Variants in ETV1 observed in about 807,000 individuals in gnomAD.
The protein encoded by ETV1 is ETS translocation variant 1.
ETV1 carries 27 observed loss-of-function variants against 62.3 expected under a neutral mutation model. The ratio of observed to expected loss-of-function variants is 0.43; its 90% confidence interval spans 0.32 to 0.60. ETV1 has a LOEUF of 0.60. Among genes scored for constraint, ETV1 ranks in the 20% least tolerant of loss-of-function variants. The pLI, the probability that ETV1 is intolerant of heterozygous loss-of-function variation, is 0.06. For synonymous variants in ETV1, 222 were observed against 199.6 expected (o/e 1.11, Z -0.94); for missense variants, 605 against 605.8 (o/e 1.00, Z 0.01).
At chr7:13,943,698 T>C (rs529453127) in intron 6 of ETV1, among the ~76,000 whole-genome samples, 1 of 152,178 alleles carries the variant, frequency 6.6e-6, no homozygotes, top group South Asian at 2.1e-4. Context: ...AGGGACAAAT[T>C]ACATGCAAAA....
At chr7:13,926,715 G>A (rs189444701) in intron 9 of ETV1, among the ~76,000 whole-genome samples, 3 of 152,028 alleles carry the variant, frequency 2.0e-5, no homozygotes, top group Middle Eastern at 3.4e-3. Context: ...GAAGGAAAGG[G>A]ACAATAATAG....
At chr7:13,916,363 C>T (rs1018926928) in intron 9 of ETV1, among the ~76,000 whole-genome samples, 2 of 152,132 alleles carry the variant, frequency 1.3e-5, no homozygotes, top group African/African-American at 2.4e-5. Flanking sequence ...AGAGGTCAGA[C>T]GTGGTGGCTC....
intron 6 of ETV1, among the ~76,000 whole-genome samples, chr7:13,971,840 G>T (rs1207242131): frequency 1.3e-5 from 2 of 152,196 alleles, no homozygotes; most frequent in Non-Finnish European, 2.9e-5. Context: ...GCCAGGCACA[G>T]TGGCTCACAC....
At chr7:13,986,507 T>C (rs1782565949) in intron 5 of ETV1, 131 bp downstream of exon 5, 2 of 1,536,936 alleles carry the variant, frequency 1.3e-6, no homozygotes, top group Non-Finnish European at 1.7e-6. Context: ...CTCTAATGTA[T>C]GCATGACACA....
chr7:13,939,182 G>A lies in ETV1; in HGVS notation c.300C>T (p.Ser100=). 6.2e-7 allele frequency: 1 copy of A among 1,613,264 alleles called. No homozygotes were observed. Among genetic ancestry groups the A allele is most frequent in the Non-Finnish European group, 8.5e-7 (1 of 1,179,618 alleles). Residue 100 remains serine, a synonymous_variant, in exon 7 of 14, where the codon AGC becomes AGT. Transcript: ENST00000430479. ...KEPHSPCSEI[S]SACSQEQPFK... is the part of the protein sequence containing the mutation. The stretch of plus-strand genomic sequence containing the variant: ...AGGGCTGTTCTTGACTGCAGGCAGA[G>A]CTGATTTCTGAACATGGACTGTGGG...
Position 13,986,099 on chromosome 7 carries a change from A to G in ETV1, c.181+539T>C, listed in dbSNP as rs762352721. 4 of 1,548,308 alleles carry G rather than the reference A, an allele frequency of 2.6e-6. No individual in the cohort carries two copies. The African/African-American group carries it at 4.1e-5, about 16-fold the overall frequency. ...TTTATTTTAAACCCATAGATTTCCT[A>G]AGCATTAGATACACACCTAACGTTC... On this transcript the variant is annotated intron_variant, in intron 5 of 13. Transcript: ENST00000430479.
At chr7:13,972,923 T>A (rs929147659) in intron 6 of ETV1, among the ~76,000 whole-genome samples, 2 of 152,176 alleles carry the variant, frequency 1.3e-5, no homozygotes, top group African/African-American at 4.8e-5. Flanking sequence ...TTTTCACTTA[T>A]TTTTAATGCC....
At chr7:13,977,302 A>T (rs746142174) in intron 6 of ETV1, 125 bp downstream of exon 6, 5 of 593,752 alleles carry the variant, frequency 8.4e-6, no homozygotes, top group Admixed American at 3.3e-5. Context: ...TTATGGCTGT[A>T]AGTTAAAAAG....
chr7:13,944,564 A>G (rs6965626), intron 6 of ETV1, among the ~76,000 whole-genome samples: 2,562 of 152,120 alleles, frequency 0.017, 78 homozygotes, highest in African/African-American at 0.059. Flanking sequence ...GGGGGTGGTG[A>G]GACGGGGACA....
At chr7:13,932,785 A>T (rs73276805) in intron 8 of ETV1, among the ~76,000 whole-genome samples, 4,060 of 152,314 alleles carry the variant, frequency 0.027, 150 homozygotes, top group African/African-American at 0.088. Context: ...TATAAGCCTA[A>T]TAACCCCCCC....
chr7:13,907,648 A>G lies in ETV1; in HGVS notation c.941-1049T>C, dbSNP rs1284787688. On this transcript the variant is annotated intron_variant, in intron 11 of 13. Coordinates refer to ENST00000430479, the MANE Select transcript of ETV1 (RefSeq NM_004956.5). ...TGCTCACATTGGGGATTGAGTGTCT[A>G]GGGCCCTGCAAGTATGTCATTGTTA... 3 of 268,204 alleles carry G rather than the reference A, an allele frequency of 1.1e-5. No individual in the cohort carries two copies. The East Asian group carries it at 2.7e-4, about 24-fold the overall frequency. 16.6% of individuals were successfully genotyped at this position (268,204 alleles called of 1,614,324 possible).
intron 13 of ETV1, 149 bp from the exon 14 acceptor site, chr7:13,896,236 T>TAAA (rs5882422): frequency 7.5e-5 from 36 of 481,792 alleles, no homozygotes; most frequent in African/African-American, 3.0e-4. Flanking sequence ...CAGATACACA[T>TAAA]AAAAAAAAAA....
intron 10 of ETV1, among the ~76,000 whole-genome samples, chr7:13,910,084 G>A (rs1030817590): frequency 5.3e-5 from 8 of 152,098 alleles, no homozygotes; most frequent in Admixed American, 3.9e-4. Context: ...AGAAAGCAAG[G>A]TGAATTACTG....
At chr7:13,966,132 C>T (rs1333230097) in intron 6 of ETV1, among the ~76,000 whole-genome samples, 1 of 152,138 alleles carries the variant, frequency 6.6e-6, no homozygotes, top group African/African-American at 2.4e-5. Context: ...CAAATATGAT[C>T]TCAATGAATA....
chr7:13,937,879 G>A (rs186450190), intron 7 of ETV1, among the ~76,000 whole-genome samples: 1 of 152,294 alleles, frequency 6.6e-6, no homozygotes, highest in East Asian at 1.9e-4. Context: ...TAAAAGACAA[G>A]TTTGCAAGAA....
Position 13,893,599 on chromosome 7 carries a change from T to C in ETV1, c.*2267A>G. On this transcript the variant is annotated 3_prime_UTR_variant, in exon 14 of 14. Coordinates refer to ENST00000430479, the MANE Select transcript of ETV1 (RefSeq NM_004956.5). ...TCACTGACTGACTAAAACTAGACTA[T>C]TAAAAAGAAGAAAAAGGAGAAAAGA... 4.3e-6 allele frequency: 1 copy of C among 231,262 alleles called. No homozygotes were observed. The highest frequency in any genetic ancestry group is 2.2e-5 in the African/African-American group (1 of 45,080). The allele number at this position is 231,262 out of a possible 1,614,324, so 14.3% of individuals were successfully genotyped here. A position where few individuals can be genotyped will look rare whatever the true frequency, so the allele number is the denominator to read the frequency against.
At chr7:13,967,166 CAG>C (rs1207339451) in intron 6 of ETV1, among the ~76,000 whole-genome samples, 1 of 151,912 alleles carries the variant, frequency 6.6e-6, no homozygotes, top group Non-Finnish European at 1.5e-5. Context: ...ATTTTGCAAA[CAG>C]AAATGTGAAT....
At chr7:13,918,701 A>G (rs1784475127) in intron 9 of ETV1, among the ~76,000 whole-genome samples, 1 of 149,610 alleles carries the variant, frequency 6.7e-6, no homozygotes, top group Non-Finnish European at 1.5e-5. Flanking sequence ...AGGAAGAGGA[A>G]TATCACACTC....
chr7:13,983,899 C>T (rs6963305), intron 5 of ETV1, among the ~76,000 whole-genome samples: 3,425 of 151,650 alleles, frequency 0.023, 136 homozygotes, highest in African/African-American at 0.079. Flanking sequence ...CTCAAACAGT[C>T]CTGCCTTATC....
Sources: allele counts gnomAD v4.1 joint callset (sites outside exome capture counted in the v4.1 genomes callset), GRCh38; gene constraint gnomAD v4.1.1; transcripts MANE v1.5; gene names NCBI Gene and HGNC (gene_info 2026-07-23, HGNC 2026-07-21).